FAT3: variants seen among roughly 807,000 people sequenced by gnomAD.
FAT3 encodes the protein FAT atypical cadherin 3.
A neutral mutation model predicts 310.2 loss-of-function variants in FAT3; 95 were observed. That is an observed-to-expected ratio of 0.31 (90% confidence interval 0.26 to 0.36). The LOEUF (loss-of-function observed/expected upper bound fraction) is 0.36. Among genes scored for constraint, FAT3 ranks in the 10% least tolerant of loss-of-function variants. FAT3 has a pLI of 1.00. For missense variants in FAT3, 5,408 were observed against 5,715.6 expected, an observed-to-expected ratio of 0.95 and a Z score of 1.74; for synonymous variants, 2,314 against 2,192.9, an observed-to-expected ratio of 1.06 and a Z score of -1.54.
chr11:92,423,698 A>T lies in FAT3; in HGVS notation c.3292+68294A>T, dbSNP rs566133957. On this transcript the variant is annotated intron_variant, in intron 2 of 27. Coordinates refer to ENST00000525166, the MANE Select transcript of FAT3 (RefSeq NM_001367949.2). ...CTGTAGAGAGAGGGTGGGGAGGGGG[A>T]TTTAATTTAAAGAATTGGCTCACAT... 6.6e-5 allele frequency among the ~76,000 whole-genome samples: 10 copies of T among 152,156 alleles called. 1 individual carries two copies. In the South Asian group the frequency reaches 2.1e-3, roughly 32 times the overall value.
chr11:92,637,111 A>T (rs1183049341), intron 3 of FAT3, among the ~76,000 whole-genome samples: 1 of 152,206 alleles, frequency 6.6e-6, no homozygotes, highest in Non-Finnish European at 1.5e-5. Context: ...GTCAGTCAGG[A>T]TCAAAATGAC....
chr11:92,453,926 TG>T, intron 2 of FAT3, among the ~76,000 whole-genome samples: 1 of 152,340 alleles, frequency 6.6e-6, no homozygotes, highest in South Asian at 2.1e-4. Flanking sequence ...TTCTTTTATT[TG>T]TTTTTTTGTT....
intron 3 of FAT3, among the ~76,000 whole-genome samples, chr11:92,658,247 A>T (rs1264897389): frequency 1.3e-5 from 2 of 152,210 alleles, no homozygotes; most frequent in Non-Finnish European, 2.9e-5. Context: ...CACTTAAACA[A>T]GTTGTTCCAA....
In FAT3 at chr11:92,709,801, C is replaced by T. The variant is rs546442863; in HGVS notation, c.3669+12356C>T. Among the ~76,000 whole-genome samples the T allele has an allele frequency of 1.4e-4, 22 of 152,310 alleles. No individual in the cohort carries two copies. In the South Asian group the frequency reaches 2.5e-3, roughly 17 times the overall value. ...ATGCAGAACAGGGAAGGGCTTTCTC[C>T]CACCGCATCCCAGTCTGTACTGAGG... is the stretch of plus-strand genomic sequence containing the variant. On this transcript the variant is annotated intron_variant, in intron 4 of 27. Coordinates refer to ENST00000525166, the MANE Select transcript of FAT3 (RefSeq NM_001367949.2).
intron 4 of FAT3, among the ~76,000 whole-genome samples, chr11:92,703,283 G>A (rs1944158989): frequency 6.6e-6 from 1 of 152,212 alleles, no homozygotes; most frequent in Non-Finnish European, 1.5e-5. Flanking sequence ...TAAAGCATCT[G>A]CTAAGCATCT....
intron 2 of FAT3, among the ~76,000 whole-genome samples, chr11:92,419,169 G>A (rs1185414654): frequency 3.3e-5 from 5 of 152,116 alleles, no homozygotes; most frequent in Admixed American, 3.3e-4. Context: ...TTGGAAACCA[G>A]AGCTACTATG....
At chr11:92,605,826 C>G (rs1591512557) in intron 3 of FAT3, among the ~76,000 whole-genome samples, 1 of 143,838 alleles carries the variant, frequency 7.0e-6, no homozygotes, top group Admixed American at 7.2e-5. Flanking sequence ...CAAAAATGTT[C>G]CCAGTCTTCT....
At chr11:92,779,977 C>T (rs1040792189) in intron 7 of FAT3, among the ~76,000 whole-genome samples, 3 of 152,024 alleles carry the variant, frequency 2.0e-5, no homozygotes, top group Non-Finnish European at 4.4e-5. Flanking sequence ...CAGGGGCCTC[C>T]GTTCTACAAC....
intron 3 of FAT3, among the ~76,000 whole-genome samples, chr11:92,527,837 A>T (rs559451182): frequency 6.6e-6 from 1 of 152,034 alleles, no homozygotes; most frequent in Admixed American, 6.6e-5. Context: ...AGATAGATAC[A>T]TAGATAGATA....
intron 23 of FAT3, among the ~76,000 whole-genome samples, chr11:92,882,172 T>G (rs1227928904): frequency 6.6e-6 from 1 of 152,228 alleles, no homozygotes; most frequent in Non-Finnish European, 1.5e-5. Context: ...AAAACTGTTT[T>G]GAGGCTCTTT....
intron 3 of FAT3, among the ~76,000 whole-genome samples, chr11:92,609,402 C>T (rs1284944710): frequency 6.6e-6 from 1 of 152,098 alleles, no homozygotes; most frequent in Non-Finnish European, 1.5e-5. Context: ...GTGTCTTTGA[C>T]AGTCTGTGTA....
chr11:92,412,977 C>A (rs2134935892), intron 2 of FAT3, among the ~76,000 whole-genome samples: 1 of 151,754 alleles, frequency 6.6e-6, no homozygotes, highest in South Asian at 2.1e-4. Context: ...TCCATTAGGG[C>A]TCACCCTTGG....
intron 2 of FAT3, among the ~76,000 whole-genome samples, chr11:92,368,468 G>A (rs777780481): frequency 9.9e-5 from 15 of 152,128 alleles, no homozygotes; most frequent in Non-Finnish European, 2.2e-4. Context: ...GTGTCTGTGA[G>A]TTTTGTCAAC....
chr11:92,805,397 A>C, intron 11 of FAT3, 48 bp downstream of exon 11: 1 of 1,541,186 alleles, frequency 6.5e-7, no homozygotes. Flanking sequence ...TCTCCAAAAT[A>C]AAATAAAAAC....
intron 2 of FAT3, among the ~76,000 whole-genome samples, chr11:92,365,471 CT>C (rs759445895): frequency 3.4e-4 from 51 of 151,932 alleles, no homozygotes; most frequent in Non-Finnish European, 4.0e-4. Flanking sequence ...TTCCTTTTTC[CT>C]TTTTCTTGAC....
chr11:92,371,436 A>C (rs1949183932), intron 2 of FAT3, among the ~76,000 whole-genome samples: 1 of 152,202 alleles, frequency 6.6e-6, no homozygotes, highest in Non-Finnish European at 1.5e-5. Flanking sequence ...CTGTAAGCCC[A>C]GGCCAGGTAG....
Position 92,552,355 on chromosome 11 carries a change from C to A in FAT3, c.3607+27407C>A, listed in dbSNP as rs141556786. Among the ~76,000 whole-genome samples the A allele has an allele frequency of 5.3e-3, 803 of 152,116 alleles. 4 individuals carry two copies. The highest frequency in any genetic ancestry group is 8.9e-3 in the Non-Finnish European group (606 of 67,972). ...ATTGTAAATAATTTAGATTGGAGTG[C>A]TCTTTGTAAAAGTCACATACTCACA... On this transcript the variant is annotated intron_variant, in intron 3 of 27. Transcript: ENST00000525166.
chr11:92,533,735 G>T (rs1329961339), intron 3 of FAT3, among the ~76,000 whole-genome samples: 1 of 152,114 alleles, frequency 6.6e-6, no homozygotes, highest in African/African-American at 2.4e-5. Flanking sequence ...TCTAGGAGGA[G>T]AATTGTGTTG....
chr11:92,500,930 A>G (rs1952919816), intron 2 of FAT3, among the ~76,000 whole-genome samples: 1 of 152,058 alleles, frequency 6.6e-6, no homozygotes, highest in Non-Finnish European at 1.5e-5. Context: ...GGCAATCATG[A>G]TATGCTATTT....
Sources: allele counts gnomAD v4.1 joint callset (sites outside exome capture counted in the v4.1 genomes callset), GRCh38; gene constraint gnomAD v4.1.1; transcripts MANE v1.5; gene names NCBI Gene and HGNC (gene_info 2026-07-23, HGNC 2026-07-21).